Variants in DNAH11 observed in about 807,000 individuals in gnomAD.
DNAH11 encodes the protein dynein axonemal heavy chain 11.
In DNAH11, 442 loss-of-function variants were observed where a neutral mutation model predicts 526.0. That is an observed-to-expected ratio of 0.84 (90% CI 0.78 to 0.91). The LOEUF is 0.91. DNAH11 is among the 40% of genes least tolerant of loss of function. The pLI is 0.00. For synonymous variants in DNAH11, 2,461 were observed against 1,935.9 expected (o/e 1.27, Z -7.12); for missense variants, 6,989 against 5,448.7 (o/e 1.28, Z -8.90).
intron 20 of DNAH11, among the ~76,000 whole-genome samples, chr7:21,613,660 T>C (rs1490949516): frequency 2.0e-5 from 3 of 152,168 alleles, no homozygotes; most frequent in African/African-American, 4.8e-5. Context: ...ATTTTGAAAA[T>C]TGCTGAGTAG....
intron 80 of DNAH11, 113 bp downstream of exon 80, chr7:21,899,561 C>T: frequency 1.2e-6 from 1 of 827,776 alleles, no homozygotes; most frequent in Non-Finnish European, 1.9e-6. Context: ...AATCCTCAAG[C>T]AGCAGCCATT....
intron 61 of DNAH11, among the ~76,000 whole-genome samples, chr7:21,791,802 C>T (rs977589342): frequency 6.6e-6 from 1 of 152,150 alleles, no homozygotes; most frequent in Non-Finnish European, 1.5e-5. Context: ...GCAGTCATGA[C>T]TGGAGTTTGA....
At chr7:21,778,165 C>G (rs1381146777) in intron 56 of DNAH11, among the ~76,000 whole-genome samples, 6 of 152,002 alleles carry the variant, frequency 3.9e-5, no homozygotes, top group Admixed American at 2.0e-4. Context: ...CTTTCTGAAC[C>G]TGATGAAATT....
chr7:21,658,884 A>G lies in DNAH11; in HGVS notation c.5181A>G (p.Glu1727=). The change falls in exon 30 of 82, where the codon GAA becomes GAG. Residue 1727 remains glutamate, a synonymous_variant. Transcript: ENST00000409508. ...CAGAAGCCATAGTGGCCTACGAGGAAAAACCTAGGGAACTGTGGATTTTTG... is the reference window on the plus strand; with the variant it reads ...CAGAAGCCATAGTGGCCTACGAGGAGAAACCTAGGGAACTGTGGATTTTTG... ...SITEAIVAYE[E]KPRELWIFDF... 1 of 1,609,600 alleles carries G rather than the reference A, an allele frequency of 6.2e-7. No individual in the cohort carries two copies. Among genetic ancestry groups the G allele is most frequent in the Non-Finnish European group, 8.5e-7 (1 of 1,178,004 alleles).
rs55661800 is a variant in DNAH11, at chr7:21,586,117, C to T, written c.1711-1947C>T. Among the ~76,000 whole-genome samples the T allele has an allele frequency of 4.9e-3, 748 of 152,226 alleles. 6 individuals carry two copies. The highest frequency in any genetic ancestry group is 0.017 in the African/African-American group (706 of 41,530). On this transcript the variant is annotated intron_variant, in intron 9 of 81. Transcript: ENST00000409508. The stretch of plus-strand genomic sequence containing the variant: ...CTACTACTTTTTGGCTTTACAACCT[C>T]GCCTCAGAGTATTTTCTCTATGTAT...
intron 2 of DNAH11, among the ~76,000 whole-genome samples, chr7:21,556,036 T>A (rs1472452598): frequency 6.6e-6 from 1 of 152,208 alleles, no homozygotes; most frequent in Non-Finnish European, 1.5e-5. Flanking sequence ...AGGTCATTTA[T>A]CTCCTAGCAT....
At chr7:21,546,998 A>G (rs1281282448) in intron 2 of DNAH11, among the ~76,000 whole-genome samples, 1 of 152,222 alleles carries the variant, frequency 6.6e-6, no homozygotes, top group African/African-American at 2.4e-5. Context: ...ATAGGTGTAT[A>G]TGTCCTTGGT....
chr7:21,589,257 A>G lies in DNAH11; in HGVS notation c.2023A>G (p.Met675Val). ...TTTAGTTTATCAAAAGTATGTTGAA[A>G]TGACCACTTTGCTTGATCAATTTGA... The part of the protein sequence containing the change: ...HALVYQKYVE[M>V]TTLLDQFESR... The change falls in exon 12 of 82, where the codon ATG (methionine) becomes GTG (valine). Residue 675 changes from methionine to valine, a missense_variant. By Grantham distance (21) the Met-to-Val change is conservative. Coordinates refer to ENST00000409508, the MANE Select transcript of DNAH11 (RefSeq NM_001277115.2). 1 of 1,610,700 alleles carries G rather than the reference A, an allele frequency of 6.2e-7. No individual in the cohort carries two copies. The highest frequency in any genetic ancestry group is 8.5e-7 in the Non-Finnish European group (1 of 1,178,966).
chr7:21,630,460 G>A (rs1235917791), intron 25 of DNAH11, among the ~76,000 whole-genome samples: 2 of 152,182 alleles, frequency 1.3e-5, no homozygotes, highest in African/African-American at 2.4e-5. Context: ...TTCTATTTCA[G>A]ATTGAAGAAT....
At chr7:21,726,965 G>T (rs1323996362) in intron 45 of DNAH11, among the ~76,000 whole-genome samples, 1 of 57,642 alleles carries the variant, frequency 1.7e-5, no homozygotes, top group Admixed American at 2.8e-4. Context: ...ATGGAGTCTC[G>T]CTCTGTCGCC....
intron 77 of DNAH11, among the ~76,000 whole-genome samples, chr7:21,893,433 T>C (rs2128048157): frequency 6.6e-6 from 1 of 152,318 alleles, no homozygotes; most frequent in Middle Eastern, 3.4e-3. Flanking sequence ...TTATGGCCGT[T>C]TGGATATACT....
intron 61 of DNAH11, among the ~76,000 whole-genome samples, chr7:21,797,820 A>G (rs1351997076): frequency 2.0e-5 from 3 of 152,102 alleles, no homozygotes; most frequent in African/African-American, 7.3e-5. Flanking sequence ...TTACGTTTTC[A>G]TTCAATGAAA....
At chr7:21,782,027 T>C (rs762424470) in intron 57 of DNAH11, among the ~76,000 whole-genome samples, 22 of 152,204 alleles carry the variant, frequency 1.4e-4, no homozygotes, top group Non-Finnish European at 3.1e-4. Flanking sequence ...CTGATCACCT[T>C]GTAAAGGCCC....
In DNAH11 at chr7:21,607,894, C is replaced by T. The variant is rs111281797; in HGVS notation, c.3852+1161C>T. ...CAGAGATTGCAGTGAGCCGAGATTG[C>T]GCCATTGTACTCCAGCCTGGCGACA... On this transcript the variant is annotated intron_variant, in intron 20 of 81. Coordinates refer to ENST00000409508, the MANE Select transcript of DNAH11 (RefSeq NM_001277115.2). Among the ~76,000 whole-genome samples, 9 of 131,206 alleles carry T rather than the reference C, an allele frequency of 6.9e-5. 1 individual carries two copies. Among genetic ancestry groups the T allele is most frequent in the South Asian group, 5.1e-4 (2 of 3,942 alleles). The allele number at this position is 131,206 out of a possible 152,430, so 86.1% of individuals were successfully genotyped here.
intron 81 of DNAH11, 69 bp downstream of exon 81, chr7:21,900,189 C>G (rs1178137051): frequency 7.5e-6 from 11 of 1,470,746 alleles, no homozygotes; most frequent in Non-Finnish European, 1.0e-5. Context: ...TTGTCCTCTG[C>G]TTACTGTTTC....
chr7:21,606,694 T>G lies in DNAH11; in HGVS notation c.3813T>G (p.Leu1271=). Residue 1271 remains leucine (L), a synonymous_variant, in exon 20 of 82, where the codon CTT becomes CTG. Transcript: ENST00000409508. ...AGAGATTCAGACACTATGCCCCTCTTGGATTTAATGCAGAAAATCCATACA... is the reference window on the plus strand; with the variant it reads ...AGAGATTCAGACACTATGCCCCTCTGGGATTTAATGCAGAAAATCCATACA... The part of the protein sequence containing the change: ...FRERFRHYAP[L]GFNAENPYTA... 6.2e-7 allele frequency: 1 copy of G among 1,612,488 alleles called. No individual in the cohort carries two copies. The highest frequency in any genetic ancestry group is 8.5e-7 in the Non-Finnish European group (1 of 1,179,472).
chr7:21,788,337 T>G (rs981133557), intron 60 of DNAH11, among the ~76,000 whole-genome samples: 2 of 152,182 alleles, frequency 1.3e-5, no homozygotes, highest in Non-Finnish European at 2.9e-5. Flanking sequence ...CTTTATACTG[T>G]GGGGCCCACA....
intron 14 of DNAH11, among the ~76,000 whole-genome samples, chr7:21,598,415 G>A (rs1167071504): frequency 2.0e-5 from 3 of 152,070 alleles, no homozygotes; most frequent in African/African-American, 7.2e-5. Context: ...TCTGTCTTCA[G>A]GTCCTATTTT....
intron 11 of DNAH11, 138 bp from the exon 12 acceptor site, chr7:21,589,070 A>C: frequency 1.7e-6 from 1 of 588,490 alleles, no homozygotes; most frequent in East Asian, 3.4e-5. Flanking sequence ...ATTAATACGC[A>C]CATAATTTGG....
Sources: allele counts gnomAD v4.1 joint callset (sites outside exome capture counted in the v4.1 genomes callset), GRCh38; gene constraint gnomAD v4.1.1; transcripts MANE v1.5; gene names NCBI Gene and HGNC (gene_info 2026-07-23, HGNC 2026-07-21).